The following GRIN2A variants were observed in gnomAD, a reference collection of about 807,000 sequenced individuals.
The protein encoded by GRIN2A is glutamate ionotropic receptor NMDA type subunit 2A.
GRIN2A carries 22 observed loss-of-function variants against 113.4 expected under a neutral mutation model. The observed-to-expected ratio is 0.19, with a 90% confidence interval of 0.14 to 0.28. GRIN2A has a LOEUF of 0.28. Among genes scored for constraint, GRIN2A ranks in the 10% least tolerant of loss-of-function variants. GRIN2A has a pLI of 1.00. For synonymous variants in GRIN2A, 827 were observed against 738.4 expected, an observed-to-expected ratio of 1.12 and a Z score of -1.94; for missense variants, 1,502 against 1,887.0, an observed-to-expected ratio of 0.80 and a Z score of 3.78.
chr16:10,171,086 A>T (rs1306112598), intron 2 of GRIN2A, among the ~76,000 whole-genome samples: 1 of 152,160 alleles, frequency 6.6e-6, no homozygotes, highest in East Asian at 1.9e-4. Flanking sequence ...CAAAATATGA[A>T]CATCAAAATC....
intron 2 of GRIN2A, among the ~76,000 whole-genome samples, chr16:10,086,605 CAAAAAAAAAA>C (rs3033377): frequency 8.0e-5 from 8 of 99,692 alleles, no homozygotes; most frequent in Admixed American, 1.1e-4. Flanking sequence ...GGAGCAGCTC[CAAAAAAAAAA>C]AAAAAAAAAA....
intron 2 of GRIN2A, among the ~76,000 whole-genome samples, chr16:9,996,453 A>G (rs899881122): frequency 6.6e-6 from 1 of 152,178 alleles, no homozygotes; most frequent in African/African-American, 2.4e-5. Context: ...ACTCCAGAAG[A>G]CCTGCTCCTA....
intron 2 of GRIN2A, among the ~76,000 whole-genome samples, chr16:10,145,708 T>C (rs74006785): frequency 0.037 from 5,705 of 152,278 alleles, 292 homozygotes; most frequent in African/African-American, 0.11. Flanking sequence ...AAGGGCCAGA[T>C]AGTAAATGTT....
intron 3 of GRIN2A, among the ~76,000 whole-genome samples, chr16:9,928,371 G>A (rs373250994): frequency 1.3e-5 from 2 of 152,166 alleles, no homozygotes; most frequent in Non-Finnish European, 2.9e-5. Context: ...GCAAACCAAC[G>A]ATAGCTCATA....
chr16:10,023,285 G>T (rs2046759061), intron 2 of GRIN2A, among the ~76,000 whole-genome samples: 1 of 152,060 alleles, frequency 6.6e-6, no homozygotes, highest in Admixed American at 6.5e-5. Context: ...ACTGAGGCAG[G>T]GCTCTATAAA....
intron 2 of GRIN2A, among the ~76,000 whole-genome samples, chr16:10,005,785 A>G (rs1423995986): frequency 6.6e-6 from 1 of 152,206 alleles, no homozygotes; most frequent in African/African-American, 2.4e-5. Flanking sequence ...TCTATTAAGT[A>G]CTTTTCACTT....
intron 2 of GRIN2A, among the ~76,000 whole-genome samples, chr16:9,975,946 A>G (rs371810644): frequency 6.6e-6 from 1 of 152,234 alleles, no homozygotes; most frequent in African/African-American, 2.4e-5. Flanking sequence ...GGGTCAATTC[A>G]TCAGAAAGAT....
intron 2 of GRIN2A, among the ~76,000 whole-genome samples, chr16:10,022,808 T>C (rs1452581983): frequency 2.6e-5 from 4 of 152,312 alleles, no homozygotes; most frequent in African/African-American, 9.6e-5. Context: ...CCCGTTTCTT[T>C]TGAGTATTAT....
At chr16:10,076,726 G>A (rs909411896) in intron 2 of GRIN2A, among the ~76,000 whole-genome samples, 19 of 152,164 alleles carry the variant, frequency 1.2e-4, no homozygotes, top group African/African-American at 4.6e-4. Context: ...AGTAAATATG[G>A]AAGAGTCGAG....
intron 5 of GRIN2A, among the ~76,000 whole-genome samples, chr16:9,846,344 C>G (rs2042771984): frequency 6.6e-6 from 1 of 152,152 alleles, no homozygotes; most frequent in African/African-American, 2.4e-5. Flanking sequence ...ATGATGTATT[C>G]AGGATTTCAA....
intron 10 of GRIN2A, among the ~76,000 whole-genome samples, chr16:9,811,279 ATGT>A (rs1482661215): frequency 5.9e-5 from 9 of 152,276 alleles, no homozygotes; most frequent in Non-Finnish European, 2.9e-5. Flanking sequence ...GTCAGAAAAG[ATGT>A]TGGGTCTTCA....
At chr16:10,055,047 CAAAAAAAAAAAAAAAAAAAAAAAA>C (rs71133304) in intron 2 of GRIN2A, among the ~76,000 whole-genome samples, 1 of 10,400 alleles carries the variant, frequency 9.6e-5, no homozygotes, top group Admixed American at 1.6e-3. Context: ...GACTCTATCT[CAAAAAAAAAAAAAAAAAAAAAAAA>C]AAAAAAAAAA....
intron 2 of GRIN2A, chr16:10,171,353 G>A (rs746939571): frequency 1.3e-5 from 2 of 152,196 alleles, no homozygotes; most frequent in Non-Finnish European, 2.9e-5. Flanking sequence ...CCTTGGCAGA[G>A]ATAAAATGAG....
intron 2 of GRIN2A, among the ~76,000 whole-genome samples, chr16:10,083,645 A>AC (rs1399932397): frequency 1.3e-4 from 19 of 151,640 alleles, no homozygotes; most frequent in African/African-American, 3.6e-4. Context: ...TCTGCACCTC[A>AC]CCCCCGATCC....
chr16:9,826,299 C>G (rs1027778844), intron 9 of GRIN2A, among the ~76,000 whole-genome samples: 2 of 152,168 alleles, frequency 1.3e-5, no homozygotes, highest in East Asian at 3.9e-4. Flanking sequence ...TGGATTTCCT[C>G]TGTCAGAGTG....
chr16:10,036,711 G>A (rs1229504979), intron 2 of GRIN2A, among the ~76,000 whole-genome samples: 1 of 151,714 alleles, frequency 6.6e-6, no homozygotes, highest in Non-Finnish European at 1.5e-5. Flanking sequence ...CTCCCAAAAT[G>A]CTGGGACTAC....
intron 2 of GRIN2A, among the ~76,000 whole-genome samples, chr16:10,167,625 G>A (rs1267758567): frequency 6.6e-6 from 1 of 152,172 alleles, no homozygotes; most frequent in African/African-American, 2.4e-5. Flanking sequence ...AAGGGAACCT[G>A]AGTTCGAAGA....
At chr16:9,893,033 C>T (rs887690752) in intron 3 of GRIN2A, among the ~76,000 whole-genome samples, 1 of 151,416 alleles carries the variant, frequency 6.6e-6, no homozygotes, top group Non-Finnish European at 1.5e-5. Context: ...CATCCCTGGA[C>T]CAGCATGGTG....
At chr16:10,002,204 G>A (rs1288589732) in intron 2 of GRIN2A, among the ~76,000 whole-genome samples, 2 of 152,202 alleles carry the variant, frequency 1.3e-5, no homozygotes, top group African/African-American at 4.8e-5. Flanking sequence ...AGATGAGGAG[G>A]CATCAGGTTC....
Sources: allele counts gnomAD v4.1 joint callset (sites outside exome capture counted in the v4.1 genomes callset), GRCh38; gene constraint gnomAD v4.1.1; transcripts MANE v1.5; gene names NCBI Gene and HGNC (gene_info 2026-07-23, HGNC 2026-07-21).